Variants in LRRTM1 observed in about 807,000 individuals in gnomAD.
The protein encoded by LRRTM1 is leucine-rich repeat transmembrane neuronal protein 1.
A neutral mutation model predicts 37.3 loss-of-function variants in LRRTM1; 8 were observed. That is an observed-to-expected ratio of 0.21 (90% CI 0.13 to 0.39). LRRTM1 has a LOEUF of 0.39. LRRTM1 is among the 10% of genes least tolerant of loss of function. LRRTM1 has a pLI of 1.00. For synonymous variants in LRRTM1, 326 were observed against 316.8 expected (o/e 1.03, Z -0.31); for missense variants, 557 against 691.0 (o/e 0.81, Z 2.17).
Position 80,292,631 on chromosome 2 carries a change from C to A in LRRTM1, c.*307-3436G>T, listed in dbSNP as rs1675365810. On this transcript the variant is annotated intron_variant and NMD_transcript_variant, in intron 2 of 2. Coordinates refer to the LRRTM1 transcript ENST00000417012. ...GATCAAGAAGAAGTGGAGGCCTCTT[C>A]TGCATACTCTCATGGTGAGTCTGAT... Among the ~76,000 whole-genome samples, 6 of 152,206 alleles carry A rather than the reference C, an allele frequency of 3.9e-5. No individual in the cohort carries two copies. The South Asian group carries it at 1.2e-3, about 32-fold the overall frequency.
At chr2:80,299,505 G>A (rs1676054215), downstream of LRRTM1, 1 of 152,114 alleles carries the variant, frequency 6.6e-6, no homozygotes, top group African/African-American at 2.4e-5. Flanking sequence ...CACAAAGTAA[G>A]AACATAGCTT....
In LRRTM1 at chr2:80,303,507, G is replaced by A. The variant is rs990679750; in HGVS notation, c.313C>T (p.Gln105Ter). Residue 105 changes from glutamine to a stop codon, truncating the protein, a stop_gained, in exon 2 of 2, where the codon CAG becomes TAG. Transcript: ENST00000295057. LOFTEE classifies it high-confidence loss of function. This position sits in a 1 kb window ranked among gnomAD's most constrained non-coding sequence, Gnocchi z 7.7. ...CGCAGTTTCTGAAAGGCGTCCCCCT[G>A]CACGGAGCAGATGTGATTGTGATCC... ...YLDHNHICSV[Q>*]GDAFQKLRRV... 1 of 1,614,124 alleles carries A rather than the reference G, an allele frequency of 6.2e-7. No individual in the cohort carries two copies. The highest frequency in any genetic ancestry group is 1.3e-5 in the African/African-American group (1 of 74,940).
At position 80,302,040 on chromosome 2, in the gene LRRTM1, T is replaced by C. The variant is rs921312594; in HGVS notation, c.*211A>G. Reference sequence around the variant, plus strand: ...TTAAGATAGACTGTCCTGAAGGTTGTGGGGTGGGGTTTTTTGTTGTGTTTT... The same window carrying C: ...TTAAGATAGACTGTCCTGAAGGTTGCGGGGTGGGGTTTTTTGTTGTGTTTT... On this transcript the variant is annotated 3_prime_UTR_variant, in exon 2 of 2. Transcript: ENST00000295057. This position sits in a 1 kb window ranked among gnomAD's most constrained non-coding sequence, Gnocchi z 6.4. 3 of 581,674 alleles carry C rather than the reference T, an allele frequency of 5.2e-6. No homozygotes were observed. The highest frequency in any genetic ancestry group is 1.9e-5 in the African/African-American group (1 of 53,620). 36.0% of individuals were successfully genotyped at this position (581,674 alleles called of 1,614,324 possible).
chr2:80,296,764 C>T (rs1558978417), intron 2 of LRRTM1, among the ~76,000 whole-genome samples: 2 of 152,076 alleles, frequency 1.3e-5, no homozygotes, highest in Admixed American at 1.3e-4. Flanking sequence ...ATGTCCTTTG[C>T]TTGTAGGATG....
chr2:80,291,745 A>C (rs1675271242), intron 2 of LRRTM1, among the ~76,000 whole-genome samples: 1 of 152,208 alleles, frequency 6.6e-6, no homozygotes, highest in South Asian at 2.1e-4. Flanking sequence ...ATGTGGAAAC[A>C]GTTTTTCCAC....
chr2:80,296,096 A>G (rs1347492305), intron 2 of LRRTM1, among the ~76,000 whole-genome samples: 1 of 152,076 alleles, frequency 6.6e-6, no homozygotes, highest in African/African-American at 2.4e-5. Flanking sequence ...AGATGCATAA[A>G]TTTATGGGGT....
intron 2 of LRRTM1, among the ~76,000 whole-genome samples, chr2:80,296,006 C>G: frequency 6.6e-6 from 1 of 151,976 alleles, no homozygotes; most frequent in East Asian, 1.9e-4. Flanking sequence ...ATATGTGCAC[C>G]CTACTCACCA....
rs920752009 is a variant in LRRTM1, at chr2:80,304,576, C to T, written c.-484G>A. ...CGGAAACAGCCTGCCATTCGCGCCC[C>T]GGGCAGCTGCAGAGAGCGGGCTCAC... On this transcript the variant is annotated 5_prime_UTR_variant, in exon 1 of 2. Transcript: ENST00000295057. 1.3e-5 allele frequency: 2 copies of T among 151,842 alleles called. No homozygotes were observed. Among genetic ancestry groups the T allele is most frequent in the Admixed American group, 6.6e-5 (1 of 15,140 alleles). The allele number at this position is 151,842 out of a possible 1,614,324, so 9.4% of individuals were successfully genotyped here.
downstream of LRRTM1, among the ~76,000 whole-genome samples, chr2:80,301,234 T>C (rs535084921): frequency 6.4e-4 from 97 of 152,330 alleles, no homozygotes; most frequent in Non-Finnish European, 1.2e-4. Flanking sequence ...AGCCTAAGCT[T>C]GCTGCAGTCT....
At chr2:80,294,459 ACC>A (rs1675552302) in intron 2 of LRRTM1, among the ~76,000 whole-genome samples, 1 of 150,974 alleles carries the variant, frequency 6.6e-6, no homozygotes, top group Non-Finnish European at 1.5e-5. Flanking sequence ...TGGAGCCCTG[ACC>A]CCATGGAGCC....
At chr2:80,301,667 C>A (rs933786144), downstream of LRRTM1, among the ~76,000 whole-genome samples, 1 of 152,094 alleles carries the variant, frequency 6.6e-6, no homozygotes, top group African/African-American at 2.4e-5. Context: ...TTTTTCTAGT[C>A]CTTACACATG....
intron 2 of LRRTM1, among the ~76,000 whole-genome samples, chr2:80,290,606 TC>T (rs1675152589): frequency 6.6e-6 from 1 of 152,098 alleles, no homozygotes; most frequent in African/African-American, 2.4e-5. Context: ...ACATTTTTTT[TC>T]CTAATTACTC....
chr2:80,290,416 G>GA (rs979637934), intron 2 of LRRTM1, among the ~76,000 whole-genome samples: 2 of 151,732 alleles, frequency 1.3e-5, no homozygotes, highest in African/African-American at 2.4e-5. Context: ...CCGTGGGTAA[G>GA]AAAAAAAACA....
intron 2 of LRRTM1, chr2:80,289,327 C>T (rs945337425): frequency 5.9e-5 from 9 of 152,192 alleles, no homozygotes; most frequent in Admixed American, 2.0e-4. Context: ...CATTGACTAA[C>T]AGAGAGGGTG....
In LRRTM1 at chr2:80,288,976, A is replaced by G. The variant is rs1675005151; in HGVS notation, c.*526T>C. 3.3e-5 allele frequency: 5 copies of G among 152,294 alleles called. No homozygotes were observed. In the South Asian group the frequency reaches 1.0e-3, roughly 32 times the overall value. 9.4% of individuals were successfully genotyped at this position (152,294 alleles called of 1,614,324 possible). On this transcript the variant is annotated 3_prime_UTR_variant and NMD_transcript_variant, in exon 3 of 3. Transcript: ENST00000417012. ...CTCATGGGCCGACAGATATGGGACC[A>G]CAGTAGTAGCCTTTGTGTGAGGGTT...
Position 80,302,518 on chromosome 2 carries a change from G to A in LRRTM1, c.1302C>T (p.Ala434=). Residue 434 remains alanine (A), a synonymous_variant, in exon 2 of 2, where the codon GCC becomes GCT. Transcript: ENST00000295057. The surrounding 1 kb of genome is among the most constrained non-coding windows in gnomAD (Gnocchi z 6.4). The part of the protein sequence containing the change: ...QIHKVVTGTM[A]LIFSFLIVVL... ...CCACGATGAGGAAGGAGAAGATGAG[G>A]GCCATGGTGCCCGTGACCACCTTGT... is the stretch of plus-strand genomic sequence containing the variant. 6.2e-7 allele frequency: 1 copy of A among 1,612,568 alleles called. No homozygotes were observed.
chr2:80,288,960 C>G (rs1455164449), exon 3 of LRRTM1: 3 of 152,030 alleles, frequency 2.0e-5, no homozygotes, highest in Non-Finnish European at 4.4e-5. Flanking sequence ...TCTCATGGGC[C>G]GACAGATATG....
At chr2:80,296,340 C>T (rs572390406) in intron 2 of LRRTM1, among the ~76,000 whole-genome samples, 1 of 152,194 alleles carries the variant, frequency 6.6e-6, no homozygotes, top group South Asian at 2.1e-4. Context: ...TTCTCATTTT[C>T]CTTCTTGTTA....
chr2:80,291,162 G>A (rs1425508830), intron 2 of LRRTM1, among the ~76,000 whole-genome samples: 6 of 152,232 alleles, frequency 3.9e-5, no homozygotes, highest in Non-Finnish European at 1.5e-5. Flanking sequence ...TTCCTCGTGG[G>A]ATTTAGTAGA....
Sources: allele counts gnomAD v4.1 joint callset (sites outside exome capture counted in the v4.1 genomes callset), GRCh38; gene constraint gnomAD v4.1.1; non-coding constraint Gnocchi (gnomAD v3.1); transcripts MANE v1.5; gene names NCBI Gene and HGNC (gene_info 2026-07-23, HGNC 2026-07-21).